RNF43: variants seen among roughly 807,000 people sequenced by gnomAD.
The protein encoded by RNF43 is ring finger protein 43.
In RNF43, 37 loss-of-function variants were observed where a neutral mutation model predicts 78.4. That is an observed-to-expected ratio of 0.47 (90% CI 0.36 to 0.62). The LOEUF is 0.62. Among genes scored for constraint, RNF43 ranks in the 20% least tolerant of loss-of-function variants. The pLI is 0.00. For synonymous variants in RNF43, 347 were observed against 395.0 expected (o/e 0.88, Z 1.44); for missense variants, 774 against 1,007.9 (o/e 0.77, Z 3.14).
chr17:58,362,759 G>A (rs1972865290), intron 5 of RNF43, 111 bp from the exon 6 acceptor site: 1 of 757,006 alleles, frequency 1.3e-6, no homozygotes, highest in Admixed American at 2.8e-5. Context: ...GTTCCCTTGA[G>A]TCCTCCATCT....
intron 2 of RNF43, among the ~76,000 whole-genome samples, chr17:58,413,387 C>G (rs1323471192): frequency 1.3e-5 from 2 of 151,958 alleles, no homozygotes; most frequent in African/African-American, 4.8e-5. Context: ...GGAAAGTATC[C>G]AGAAATGAAT....
intron 2 of RNF43, among the ~76,000 whole-genome samples, chr17:58,403,821 T>C (rs1208392171): frequency 6.6e-6 from 1 of 152,180 alleles, no homozygotes; most frequent in Non-Finnish European, 1.5e-5. Context: ...ATTCAGCTTA[T>C]CTCTAATAAT....
chr17:58,371,775 C>A (rs1275597032), intron 2 of RNF43, among the ~76,000 whole-genome samples: 3 of 152,244 alleles, frequency 2.0e-5, no homozygotes, highest in Non-Finnish European at 4.4e-5. Flanking sequence ...GCTCTAAGGG[C>A]AGATCCTGTC....
chr17:58,357,195 T>C lies in RNF43; in HGVS notation c.2308+273A>G. On this transcript the variant is annotated intron_variant, in intron 9 of 9. Coordinates refer to ENST00000407977, the MANE Select transcript of RNF43 (RefSeq NM_017763.6). This position sits in a 1 kb window ranked among gnomAD's most constrained non-coding sequence, Gnocchi z 4.5. ...AGGCATGAGCCATCACACCCGGCCT[T>C]CCAAGTGCCTTTCTGATGCCTCAGC... The C allele has an allele frequency of 1.4e-6, 1 of 703,536 alleles. No individual in the cohort carries two copies. Among genetic ancestry groups the C allele is most frequent in the Non-Finnish European group, 2.6e-6 (1 of 386,218 alleles). 43.6% of individuals were successfully genotyped at this position (703,536 alleles called of 1,614,324 possible).
chr17:58,374,643 G>A (rs1380874527), intron 2 of RNF43, among the ~76,000 whole-genome samples: 4 of 151,872 alleles, frequency 2.6e-5, no homozygotes, highest in Non-Finnish European at 5.9e-5. Flanking sequence ...TGCCTGCCTC[G>A]GCCTCCTACA....
At chr17:58,371,876 G>T (rs1166694421) in intron 2 of RNF43, among the ~76,000 whole-genome samples, 1 of 152,122 alleles carries the variant, frequency 6.6e-6, no homozygotes. Flanking sequence ...TCATCAAAGG[G>T]GTGAGACCAC....
chr17:58,354,823 G>T lies in RNF43; in HGVS notation c.*120C>A. 1.1e-6 allele frequency: 1 copy of T among 917,664 alleles called. No homozygotes were observed. The highest frequency in any genetic ancestry group is 1.8e-6 in the Non-Finnish European group (1 of 559,018). The allele number at this position is 917,664 out of a possible 1,614,324, so 56.8% of individuals were successfully genotyped here. On this transcript the variant is annotated 3_prime_UTR_variant, in exon 10 of 10. Transcript: ENST00000407977. Reference sequence around the variant, plus strand: ...AGTCCTCTTCCAGTGCTTCTAGGAAGTACGGCAAAAAGAATGGTGTTTGCT... The same window carrying T: ...AGTCCTCTTCCAGTGCTTCTAGGAATTACGGCAAAAAGAATGGTGTTTGCT...
chr17:58,356,910 TTGA>T (rs1972695129), intron 9 of RNF43: 1 of 165,648 alleles, frequency 6.0e-6, no homozygotes, highest in Non-Finnish European at 1.2e-5. Flanking sequence ...TTTTTTTTTT[TTGA>T]GATGGAGTCT....
chr17:58,362,696 G>A (rs771686132), intron 5 of RNF43, 48 bp from the exon 6 acceptor site: 1 of 1,437,360 alleles, frequency 7.0e-7, no homozygotes, highest in Admixed American at 1.9e-5. Flanking sequence ...GGGATGAGCT[G>A]GGTCAATTCG....
Position 58,354,833 on chromosome 17 carries a change from A to G in RNF43, c.*110T>C. ...CAGTGCTTCTAGGAAGTACGGCAAA[A>G]AGAATGGTGTTTGCTGTGGTCCTTT... On this transcript the variant is annotated 3_prime_UTR_variant, in exon 10 of 10. Coordinates refer to ENST00000407977, the MANE Select transcript of RNF43 (RefSeq NM_017763.6). 1 of 1,005,758 alleles carries G rather than the reference A, an allele frequency of 9.9e-7. No homozygotes were observed. The highest frequency in any genetic ancestry group is 1.3e-5 in the South Asian group (1 of 76,334). The allele number at this position is 1,005,758 out of a possible 1,614,324, so 62.3% of individuals were successfully genotyped here. A position where few individuals can be genotyped will look rare whatever the true frequency, so the allele number is the denominator to read the frequency against.
intron 2 of RNF43, among the ~76,000 whole-genome samples, chr17:58,385,466 C>T (rs567104124): frequency 6.6e-6 from 1 of 152,316 alleles, no homozygotes; most frequent in Admixed American, 6.5e-5. Context: ...AAAGACTATG[C>T]CATCACTTGT....
At chr17:58,370,581 G>A (rs993182412) in intron 3 of RNF43, among the ~76,000 whole-genome samples, 4 of 152,166 alleles carry the variant, frequency 2.6e-5, no homozygotes, top group African/African-American at 9.7e-5. Flanking sequence ...CTCAGTGTAT[G>A]TTTCTAAAAG....
chr17:58,379,197 T>C (rs1053741497), intron 2 of RNF43, among the ~76,000 whole-genome samples: 5 of 152,278 alleles, frequency 3.3e-5, no homozygotes, highest in African/African-American at 1.2e-4. Context: ...TGTAATATAA[T>C]GCCTGGGATC....
At chr17:58,416,966 G>A (rs1598174052) in intron 1 of RNF43, 51 bp downstream of exon 1, 1 of 152,186 alleles carries the variant, frequency 6.6e-6, no homozygotes, top group Non-Finnish European at 1.5e-5. Context: ...CTTTTCTTTT[G>A]CTGAGGCAGA....
chr17:58,405,262 A>G (rs899525689), intron 2 of RNF43, among the ~76,000 whole-genome samples: 26 of 151,358 alleles, frequency 1.7e-4, no homozygotes, highest in Non-Finnish European at 2.9e-4. Flanking sequence ...TATTTTTAGT[A>G]GAGACGGGGT....
chr17:58,401,175 A>G (rs1241513517), intron 2 of RNF43, among the ~76,000 whole-genome samples: 2 of 152,268 alleles, frequency 1.3e-5, no homozygotes, highest in African/African-American at 4.8e-5. Context: ...AATAATTACC[A>G]AATGATTCAT....
At chr17:58,404,173 A>G (rs1973859010) in intron 2 of RNF43, among the ~76,000 whole-genome samples, 2 of 152,238 alleles carry the variant, frequency 1.3e-5, no homozygotes, top group South Asian at 4.1e-4. Flanking sequence ...ATTGTAAGAC[A>G]TTAATTTAGT....
intron 2 of RNF43, among the ~76,000 whole-genome samples, chr17:58,378,816 T>C (rs957273047): frequency 2.0e-5 from 3 of 152,046 alleles, no homozygotes; most frequent in African/African-American, 7.2e-5. Context: ...GGAAGCAGGG[T>C]GGCAAAAACT....
rs2143429679 is a variant in RNF43 at position 58,358,861 on chromosome 17, A to G, written c.953-38T>C. On this transcript the variant is annotated intron_variant, in intron 8 of 9. Transcript: ENST00000407977. The surrounding 1 kb of genome is among the most constrained non-coding windows in gnomAD (Gnocchi z 6.2). ...ACCAAGAGCACAGATGTTTAACTCT[A>G]CAAACCTACAGAGAATGCATTCAGA... 1 of 1,452,002 alleles carries G rather than the reference A, an allele frequency of 6.9e-7. No individual in the cohort carries two copies. Among genetic ancestry groups the G allele is most frequent in the Non-Finnish European group, 9.0e-7 (1 of 1,105,656 alleles). The allele number at this position is 1,452,002 out of a possible 1,614,324, so 89.9% of individuals were successfully genotyped here.
Sources: gnomAD v4.1 joint callset for allele counts (sites outside exome capture counted in the v4.1 genomes callset) on GRCh38, gnomAD v4.1.1 for gene constraint, Gnocchi (gnomAD v3.1) non-coding constraint, MANE v1.5 for transcripts, NCBI Gene and HGNC (gene_info 2026-07-23, HGNC 2026-07-21) for gene names.